Variants in ACVR2B observed in about 807,000 individuals in gnomAD.
The protein encoded by ACVR2B is activin A receptor type 2B, also known as activin receptor type-2B.
In ACVR2B, 18 loss-of-function variants were observed where a neutral mutation model predicts 65.1. The observed-to-expected ratio is 0.28, with a 90% CI of 0.19 to 0.41. The LOEUF (loss-of-function observed/expected upper bound fraction) is 0.41. ACVR2B is among the 10% of genes least tolerant of loss of function. The probability of loss-of-function intolerance (pLI) is 1.00; values close to 1 mark genes in which losing one functional copy is unlikely to be tolerated. For synonymous variants in ACVR2B, 298 were observed against 277.7 expected, an observed-to-expected ratio of 1.07 and a Z score of -0.73; for missense variants, 482 against 682.7, an observed-to-expected ratio of 0.71 and a Z score of 3.28.
At position 38,482,342 on chromosome 3, in the gene ACVR2B, T is replaced by C; in HGVS notation, c.1213+6T>C. 2 of 1,610,534 alleles carry C rather than the reference T, an allele frequency of 1.2e-6. No individual in the cohort carries two copies. The highest frequency in any genetic ancestry group is 2.2e-5 in the East Asian group (1 of 44,804). On this transcript the variant is annotated splice_donor_region_variant and intron_variant, in intron 9 of 10. Transcript: ENST00000352511. ...TCGCTGCAAGGCTGCAGACGGTAAG[T>C]AGGATGGCAGCCCTGGGCATCCTAG...
intron 1 of ACVR2B, among the ~76,000 whole-genome samples, chr3:38,460,158 T>C (rs1171558020): frequency 6.6e-6 from 1 of 152,202 alleles, no homozygotes; most frequent in Non-Finnish European, 1.5e-5. Flanking sequence ...AAGGGGACTT[T>C]ATTTCCTTCT....
In ACVR2B at chr3:38,492,135, G is replaced by A. The variant is rs1233380905; in HGVS notation, c.*8803G>A. The A allele has an allele frequency of 6.6e-6, 1 of 152,524 alleles. No homozygotes were observed. The highest frequency in any genetic ancestry group is 1.5e-5 in the Non-Finnish European group (1 of 68,028). The allele number at this position is 152,524 out of a possible 1,614,324, so 9.4% of individuals were successfully genotyped here. A position where few individuals can be genotyped will look rare whatever the true frequency, so the allele number is the denominator to read the frequency against. On this transcript the variant is annotated 3_prime_UTR_variant, in exon 11 of 11. Coordinates refer to ENST00000352511, the MANE Select transcript of ACVR2B (RefSeq NM_001106.4). ...GCAAAGGACAAAATTTGCAGGAACA[G>A]TTTTGGAACCAACAGAAAATGTCAC...
chr3:38,475,297 C>T (rs948332832), intron 1 of ACVR2B: 1 of 152,220 alleles, frequency 6.6e-6, no homozygotes, highest in African/African-American at 2.4e-5. Flanking sequence ...CCAGTGTGTA[C>T]CCTTGTAAGC....
At chr3:38,466,874 A>G (rs1297081122) in intron 1 of ACVR2B, among the ~76,000 whole-genome samples, 1 of 152,220 alleles carries the variant, frequency 6.6e-6, no homozygotes, top group Non-Finnish European at 1.5e-5. Context: ...ATAAATCCAG[A>G]TGGAATGTCA....
At position 38,491,228 on chromosome 3, in the gene ACVR2B, C is replaced by T. The variant is rs937351290; in HGVS notation, c.*7896C>T. The stretch of plus-strand genomic sequence containing the variant: ...TACCAGTTCAAAAAGTTTAATTAAC[C>T]AGCAGTCACCGCATCTGAATTTTTG... On this transcript the variant is annotated 3_prime_UTR_variant, in exon 11 of 11. Transcript: ENST00000352511. 6.6e-6 allele frequency: 1 copy of T among 152,358 alleles called. No individual in the cohort carries two copies. The highest frequency in any genetic ancestry group is 1.5e-5 in the Non-Finnish European group (1 of 67,978). The allele number at this position is 152,358 out of a possible 1,614,324, so 9.4% of individuals were successfully genotyped here.
In ACVR2B at chr3:38,483,473, TATTATA is replaced by T. The variant is rs1178235495; in HGVS notation, c.*147_*152del. The T allele has an allele frequency of 2.3e-5, 7 of 301,782 alleles. No individual in the cohort carries two copies. The highest frequency in any genetic ancestry group is 3.9e-5 in the Non-Finnish European group (7 of 179,028). The allele number at this position is 301,782 out of a possible 1,614,324, so 18.7% of individuals were successfully genotyped here. A position where few individuals can be genotyped will look rare whatever the true frequency, so the allele number is the denominator to read the frequency against. ...TTTTACCTTGACTTTTTATTATTAT[TATTATA>T]ATTATTATAATTATTATTATTAATA... On this transcript the variant is annotated 3_prime_UTR_variant, in exon 11 of 11. Transcript: ENST00000352511. This position sits in a 1 kb window ranked among gnomAD's most constrained non-coding sequence, Gnocchi z 4.8.
At chr3:38,459,700 A>C in intron 1 of ACVR2B, 1 of 982,246 alleles carries the variant, frequency 1.0e-6, no homozygotes, top group South Asian at 4.7e-5. Context: ...GTATGGGTGC[A>C]AGTCTCTCCC....
intron 1 of ACVR2B, chr3:38,454,760 T>TGCA (rs145420050): frequency 3.7e-4 from 64 of 174,520 alleles, no homozygotes; most frequent in Non-Finnish European, 6.4e-4. Context: ...GGATTGTAGG[T>TGCA]GCAGCAGCAG....
At chr3:38,471,533 AAG>A (rs1334714226) in intron 1 of ACVR2B, among the ~76,000 whole-genome samples, 1 of 152,212 alleles carries the variant, frequency 6.6e-6, no homozygotes, top group Non-Finnish European at 1.5e-5. Flanking sequence ...AAATGTAAAA[AAG>A]AAGTCATGAT....
intron 1 of ACVR2B, chr3:38,475,605 G>C (rs1015520647): frequency 6.6e-6 from 1 of 152,246 alleles, no homozygotes; most frequent in African/African-American, 2.4e-5. Context: ...CCAGTGGTGG[G>C]GGGCTTCTTT....
At position 38,477,415 on chromosome 3, in the gene ACVR2B, G is replaced by A; in HGVS notation, c.181G>A (p.Ala61Thr). The change falls in exon 2 of 11, where the codon GCC (alanine) becomes ACC (threonine). Residue 61 changes from alanine to threonine, a missense_variant. By Grantham distance (58) the Ala-to-Thr change is moderately conservative. Transcript: ENST00000352511. The surrounding 1 kb of genome is among the most constrained non-coding windows in gnomAD (Gnocchi z 6.7). The part of the protein sequence containing the change: ...GEQDKRLHCY[A>T]SWRNSSGTIE... The stretch of plus-strand genomic sequence containing the variant: ...GCAGGACAAGCGGCTGCACTGCTAC[G>A]CCTCCTGGCGCAACAGCTCTGGCAC... 2 of 1,614,176 alleles carry A rather than the reference G, an allele frequency of 1.2e-6. No homozygotes were observed. The highest frequency in any genetic ancestry group is 1.7e-6 in the Non-Finnish European group (2 of 1,180,016).
chr3:38,478,559 C>G, intron 5 of ACVR2B, 41 bp downstream of exon 5: 2 of 1,613,488 alleles, frequency 1.2e-6, no homozygotes, highest in Non-Finnish European at 1.7e-6. Flanking sequence ...TCTGCCTCCA[C>G]TGTAGCTTGA....
Position 38,464,079 on chromosome 3 carries a change from A to C in ACVR2B, c.52+9705A>C, listed in dbSNP as rs559364285. Among the ~76,000 whole-genome samples, 19 of 152,350 alleles carry C rather than the reference A, an allele frequency of 1.2e-4. No individual in the cohort carries two copies. In the East Asian group the frequency reaches 3.7e-3, roughly 29 times the overall value. ...TATATTAATGGCAAAACCTGCAATT[A>C]CTTTTGCACCAACCCAATAGTCACA... is the stretch of plus-strand genomic sequence containing the variant. On this transcript the variant is annotated intron_variant, in intron 1 of 10. Transcript: ENST00000352511.
At chr3:38,478,989 TG>T in intron 5 of ACVR2B, 138 bp from the exon 6 acceptor site, 1 of 1,102,344 alleles carries the variant, frequency 9.1e-7, no homozygotes, top group Non-Finnish European at 1.3e-6. Context: ...ATGCTGAAGC[TG>T]GGAGGCTGGG....
Position 38,477,786 on chromosome 3 carries a change from G to A in ACVR2B, c.261-75G>A. 1 of 1,433,652 alleles carries A rather than the reference G, an allele frequency of 7.0e-7. No individual in the cohort carries two copies. The highest frequency in any genetic ancestry group is 1.1e-5 in the South Asian group (1 of 87,460). 88.8% of individuals were successfully genotyped at this position (1,433,652 alleles called of 1,614,324 possible). A position where few individuals can be genotyped will look rare whatever the true frequency, so the allele number is the denominator to read the frequency against. Reference sequence around the variant, plus strand: ...CCATGAGGTGCTCTGTCTGTGAGGAGGGGTTGGCAGGGCAGGCCTGGGGGA... The same window carrying A: ...CCATGAGGTGCTCTGTCTGTGAGGAAGGGTTGGCAGGGCAGGCCTGGGGGA... On this transcript the variant is annotated intron_variant, in intron 2 of 10. Transcript: ENST00000352511. This position sits in a 1 kb window ranked among gnomAD's most constrained non-coding sequence, Gnocchi z 6.7.
chr3:38,468,209 G>A (rs1426706042), intron 1 of ACVR2B, among the ~76,000 whole-genome samples: 3 of 152,172 alleles, frequency 2.0e-5, no homozygotes, highest in African/African-American at 7.2e-5. Context: ...AATAAGTAAG[G>A]ATGGACCTGA....
chr3:38,462,384 A>G (rs1709663541), intron 1 of ACVR2B, among the ~76,000 whole-genome samples: 1 of 152,200 alleles, frequency 6.6e-6, no homozygotes, highest in South Asian at 2.1e-4. Flanking sequence ...ATCCAAGTCA[A>G]GAATCAGAAA....
chr3:38,460,777 TGGAGC>T (rs1192835758), intron 1 of ACVR2B, among the ~76,000 whole-genome samples: 1 of 152,252 alleles, frequency 6.6e-6, no homozygotes, highest in Non-Finnish European at 1.5e-5. Context: ...GTTTCTGGGC[TGGAGC>T]TGAGGTGTTT....
rs1405686542 is a variant in ACVR2B, at chr3:38,483,278, C to T, written c.1485C>T (p.Ser495=). 2 of 1,614,036 alleles carry T rather than the reference C, an allele frequency of 1.2e-6. No individual in the cohort carries two copies. The highest frequency in any genetic ancestry group is 4.5e-5 in the East Asian group (2 of 44,868). ...GCACTACCTCGGACTGTCTCGTTTCCCTGGTGACCTCTGTCACCAATGTGG... is the reference window on the plus strand; with the variant it reads ...GCACTACCTCGGACTGTCTCGTTTCTCTGGTGACCTCTGTCACCAATGTGG... ...VNGTTSDCLV[S]LVTSVTNVDL... The change falls in exon 11 of 11, where the codon TCC becomes TCT. Residue 495 remains serine, a synonymous_variant. Coordinates refer to ENST00000352511, the MANE Select transcript of ACVR2B (RefSeq NM_001106.4). This position sits in a 1 kb window ranked among gnomAD's most constrained non-coding sequence, Gnocchi z 4.8.
Sources: gnomAD v4.1 joint callset for allele counts (sites outside exome capture counted in the v4.1 genomes callset) on GRCh38, gnomAD v4.1.1 for gene constraint, Gnocchi (gnomAD v3.1) non-coding constraint, MANE v1.5 for transcripts, NCBI Gene and HGNC (gene_info 2026-07-23, HGNC 2026-07-21) for gene names.